RSRC1: variants seen among roughly 807,000 people sequenced by gnomAD.
The protein encoded by RSRC1 is serine/Arginine-related protein 53.
Under a neutral mutation model 49.1 loss-of-function variants are expected in RSRC1, and 39 were observed. The observed-to-expected ratio is 0.79, with a 90% CI of 0.61 to 1.04. RSRC1 has a LOEUF of 1.04. Among genes scored for constraint, RSRC1 ranks in the 50% least tolerant of loss-of-function variants. The pLI is 0.00. For missense variants in RSRC1, 388 were observed against 402.4 expected, an observed-to-expected ratio of 0.96 and a Z score of 0.31; for synonymous variants, 143 against 130.8, an observed-to-expected ratio of 1.09 and a Z score of -0.63.
chr3:158,509,848 G>A (rs935909505), intron 7 of RSRC1, among the ~76,000 whole-genome samples: 1 of 152,042 alleles, frequency 6.6e-6, no homozygotes, highest in Non-Finnish European at 1.5e-5. Context: ...GTTGATGCAC[G>A]TTTGGTTATT....
rs184778462 is a variant in RSRC1 at position 158,498,863 on chromosome 3, G to A, written c.652+37860G>A. ...ACTTTATGTTTTTGTTTGCTTTGTC[G>A]AAGATCAGTTGGCTGGAAGTATTTG... On this transcript the variant is annotated intron_variant, in intron 7 of 9. Transcript: ENST00000611884. Among the ~76,000 whole-genome samples, 29 of 152,192 alleles carry A rather than the reference G, an allele frequency of 1.9e-4. No individual in the cohort carries two copies. The East Asian group carries it at 4.6e-3, about 24-fold the overall frequency.
intron 3 of RSRC1, among the ~76,000 whole-genome samples, chr3:158,173,429 A>G (rs1383651026): frequency 6.6e-6 from 1 of 152,008 alleles, no homozygotes; most frequent in Non-Finnish European, 1.5e-5. Flanking sequence ...TAAGATCTAA[A>G]TCTTACTGTT....
At chr3:158,207,257 T>C (rs746869202) in intron 4 of RSRC1, among the ~76,000 whole-genome samples, 2 of 152,220 alleles carry the variant, frequency 1.3e-5, no homozygotes, top group Non-Finnish European at 2.9e-5. Context: ...AAGAATTTTC[T>C]GTACACTGTT....
intron 4 of RSRC1, among the ~76,000 whole-genome samples, chr3:158,287,875 T>C (rs150864942): frequency 5.3e-3 from 807 of 152,326 alleles, no homozygotes; most frequent in Non-Finnish European, 7.7e-3. Context: ...TGAATTTTTC[T>C]ACAATAAGCA....
intron 5 of RSRC1, among the ~76,000 whole-genome samples, chr3:158,311,373 CAAAT>C (rs1728112936): frequency 6.6e-6 from 1 of 151,754 alleles, no homozygotes; most frequent in Admixed American, 6.6e-5. Flanking sequence ...GCGTATTCTT[CAAAT>C]AAATATTTAT....
At chr3:158,279,432 T>A (rs1454494711) in intron 4 of RSRC1, among the ~76,000 whole-genome samples, 1 of 152,238 alleles carries the variant, frequency 6.6e-6, no homozygotes, top group East Asian at 1.9e-4. Flanking sequence ...ATGTAAAAAC[T>A]GTTTTAACTC....
In RSRC1 at chr3:158,364,609, T is replaced by G. The variant is rs75325638; in HGVS notation, c.583+9701T>G. Among the ~76,000 whole-genome samples, 4 of 152,176 alleles carry G rather than the reference T, an allele frequency of 2.6e-5. No homozygotes were observed. In the East Asian group the frequency reaches 7.7e-4, roughly 29 times the overall value. On this transcript the variant is annotated intron_variant, in intron 6 of 9. Coordinates refer to ENST00000611884, the MANE Select transcript of RSRC1 (RefSeq NM_001271838.2). The stretch of plus-strand genomic sequence containing the variant: ...GTTGTTATGGATTTCAATGAGTTAG[T>G]ATTTATAAAACACTTAGAGCAGTAC...
intron 5 of RSRC1, among the ~76,000 whole-genome samples, chr3:158,331,981 A>AT (rs1559997184): frequency 6.6e-6 from 1 of 151,930 alleles, no homozygotes; most frequent in African/African-American, 2.4e-5. Flanking sequence ...ATTGTTATTA[A>AT]TGTAGCAAAT....
intron 3 of RSRC1, among the ~76,000 whole-genome samples, chr3:158,200,546 T>G (rs953965742): frequency 6.6e-6 from 1 of 152,196 alleles, no homozygotes; most frequent in African/African-American, 2.4e-5. Context: ...TTTATGTCTT[T>G]CCCTTCTTTT....
chr3:158,251,594 T>G (rs896384338), intron 4 of RSRC1, among the ~76,000 whole-genome samples: 2 of 152,228 alleles, frequency 1.3e-5, no homozygotes, highest in African/African-American at 4.8e-5. Context: ...ATTGGATTAC[T>G]TTCTTGATTT....
chr3:158,150,038 T>A (rs963417974), intron 3 of RSRC1, among the ~76,000 whole-genome samples: 1 of 152,210 alleles, frequency 6.6e-6, no homozygotes, highest in Non-Finnish European at 1.5e-5. Context: ...TAAAAGCCTG[T>A]TTTAAGGGTC....
At chr3:158,367,780 T>C (rs1731856577) in intron 6 of RSRC1, among the ~76,000 whole-genome samples, 1 of 151,980 alleles carries the variant, frequency 6.6e-6, no homozygotes. Context: ...TTCAATCAAG[T>C]ATGGTTTATG....
At chr3:158,117,881 T>TTTTCTTTCTTTCTTTC (rs139354874) in intron 1 of RSRC1, among the ~76,000 whole-genome samples, 141 of 150,480 alleles carry the variant, frequency 9.4e-4, no homozygotes, top group African/African-American at 3.4e-3. Flanking sequence ...GTCTGTCTCT[T>TTTTCTTTCTTTCTTTC]TTTCTTTCTT....
intron 7 of RSRC1, among the ~76,000 whole-genome samples, chr3:158,492,500 T>C (rs545934801): frequency 2.0e-5 from 3 of 152,310 alleles, no homozygotes; most frequent in South Asian, 4.1e-4. Flanking sequence ...GCAGATGATA[T>C]AGGAAATTGT....
chr3:158,437,191 G>T (rs548403717), intron 6 of RSRC1, among the ~76,000 whole-genome samples: 2 of 151,246 alleles, frequency 1.3e-5, no homozygotes, highest in African/African-American at 4.9e-5. Flanking sequence ...TGTGTTATAT[G>T]TAACCAGAAA....
intron 7 of RSRC1, among the ~76,000 whole-genome samples, chr3:158,463,304 CTT>C (rs970034371): frequency 6.6e-5 from 10 of 151,820 alleles, no homozygotes; most frequent in African/African-American, 1.7e-4. Context: ...TTTTTTTTCT[CTT>C]GAGTTGTCTA....
Position 158,171,059 on chromosome 3 carries a change from A to G in RSRC1, c.321-32013A>G, listed in dbSNP as rs372138913. On this transcript the variant is annotated intron_variant, in intron 3 of 9. Coordinates refer to ENST00000611884, the MANE Select transcript of RSRC1 (RefSeq NM_001271838.2). ...CCCCAGAAAAGAGAGAACCAGAGAA[A>G]GAGATCCTCTTATTCTGTGTATGAC... is the stretch of plus-strand genomic sequence containing the variant. 1.5e-4 allele frequency among the ~76,000 whole-genome samples: 23 copies of G among 152,308 alleles called. No homozygotes were observed. The East Asian group carries it at 4.3e-3, about 28-fold the overall frequency.
At chr3:158,310,194 A>G (rs1306527456) in intron 5 of RSRC1, among the ~76,000 whole-genome samples, 2 of 151,524 alleles carry the variant, frequency 1.3e-5, no homozygotes, top group Admixed American at 6.6e-5. Context: ...TTTGAAAAGC[A>G]CCTTACTTTT....
intron 7 of RSRC1, among the ~76,000 whole-genome samples, chr3:158,530,071 G>A (rs947246838): frequency 3.3e-5 from 5 of 151,742 alleles, no homozygotes. Context: ...CACACCACAG[G>A]TTTACCAGAA....
Sources: allele counts gnomAD v4.1 joint callset (sites outside exome capture counted in the v4.1 genomes callset), GRCh38; gene constraint gnomAD v4.1.1; transcripts MANE v1.5; gene names NCBI Gene and HGNC (gene_info 2026-07-23, HGNC 2026-07-21).